IGF1: variants seen among roughly 807,000 people sequenced by gnomAD.
IGF1 encodes insulin-like growth factor 1.
IGF1 carries 4 observed loss-of-function variants against 13.8 expected under a neutral mutation model. That is an observed-to-expected ratio of 0.29 (90% CI 0.14 to 0.66). IGF1 has a LOEUF of 0.66. Ranked by LOEUF, IGF1 falls within the 30% of genes least tolerant of loss-of-function variation. IGF1 has a pLI of 0.78. For synonymous variants in IGF1, 76 were observed against 72.6 expected (o/e 1.05, Z -0.23); for missense variants, 124 against 188.5 (o/e 0.66, Z 2.00).
In IGF1 at chr12:102,400,809, T is replaced by C. The variant is rs1873622089; in HGVS notation, c.*1698A>G. ...CTAACAAAGAGTAATTAATTCCCCT[T>C]TCACTGGTAGAAATCTCTTTGTTTT... On this transcript the variant is annotated 3_prime_UTR_variant, in exon 4 of 4. Coordinates refer to ENST00000337514, the MANE Select transcript of IGF1 (RefSeq NM_000618.5). 6.6e-6 allele frequency: 1 copy of C among 152,208 alleles called. No homozygotes were observed. 9.4% of individuals were successfully genotyped at this position (152,208 alleles called of 1,614,324 possible).
intron 2 of IGF1, among the ~76,000 whole-genome samples, chr12:102,465,988 G>T (rs1026904839): frequency 1.4e-5 from 2 of 146,094 alleles, no homozygotes; most frequent in Non-Finnish European, 3.0e-5. Flanking sequence ...AATAAATAAA[G>T]ATAACCAACT....
At chr12:102,422,523 T>A (rs1404414917) in intron 2 of IGF1, among the ~76,000 whole-genome samples, 1 of 152,200 alleles carries the variant, frequency 6.6e-6, no homozygotes, top group Non-Finnish European at 1.5e-5. Context: ...AATTGAAAGA[T>A]CACAGTTGAG....
chr12:102,408,428 A>T (rs1307976901), intron 3 of IGF1, among the ~76,000 whole-genome samples: 1 of 152,184 alleles, frequency 6.6e-6, no homozygotes, highest in Non-Finnish European at 1.5e-5. Context: ...GCACTTTGGG[A>T]TGTGACTTCA....
chr12:102,465,282 T>C (rs1338442649), intron 2 of IGF1, among the ~76,000 whole-genome samples: 1 of 152,232 alleles, frequency 6.6e-6, no homozygotes, highest in Non-Finnish European at 1.5e-5. Flanking sequence ...TCCAATTCAG[T>C]TCATCAGTTG....
chr12:102,406,859 G>A (rs994243231), intron 3 of IGF1, among the ~76,000 whole-genome samples: 4 of 151,946 alleles, frequency 2.6e-5, no homozygotes, highest in African/African-American at 7.3e-5. Flanking sequence ...TTGGGAGGCC[G>A]AGGTGGGCAG....
rs58794507 is a variant in IGF1, at chr12:102,448,689, TAAAAAAAAAA to T, written c.220+26944_220+26953del. Among the ~76,000 whole-genome samples, 58 of 110,306 alleles carry T rather than the reference TAAAAAAAAAA, an allele frequency of 5.3e-4. No individual in the cohort carries two copies. The East Asian group carries it at 0.014, about 26-fold the overall frequency. 72.4% of individuals were successfully genotyped at this position (110,306 alleles called of 152,430 possible). On this transcript the variant is annotated intron_variant, in intron 2 of 3. Coordinates refer to ENST00000337514, the MANE Select transcript of IGF1 (RefSeq NM_000618.5). Reference sequence around the variant, plus strand: ...ATGTACCCTAAAACTTAGAGTATAATAAAAAAAAAAAAAAAAAAAAAAAAAAATCTCATCA... The same window carrying T: ...ATGTACCCTAAAACTTAGAGTATAATAAAAAAAAAAAAAAAAATCTCATCA...
rs1247655122 is a variant in IGF1 at position 102,401,092 on chromosome 12, A to T, written c.*1415T>A. On this transcript the variant is annotated 3_prime_UTR_variant, in exon 4 of 4. Transcript: ENST00000337514. ...ATGGGTTATTTATAGAATTCCTTGC[A>T]TCTCAGCAACTCAAGCGCCCTGATG... The T allele has an allele frequency of 6.6e-6, 1 of 152,212 alleles. No homozygotes were observed. Among genetic ancestry groups the T allele is most frequent in the African/African-American group, 2.4e-5 (1 of 41,458 alleles). The allele number at this position is 152,212 out of a possible 1,614,324, so 9.4% of individuals were successfully genotyped here. A position where few individuals can be genotyped will look rare whatever the true frequency, so the allele number is the denominator to read the frequency against.
chr12:102,455,770 G>T (rs1484758201), intron 2 of IGF1, among the ~76,000 whole-genome samples: 1 of 152,144 alleles, frequency 6.6e-6, no homozygotes. Context: ...GAGGCACCCT[G>T]CAATCTCTCC....
chr12:102,434,760 C>T (rs1250920966), intron 2 of IGF1, among the ~76,000 whole-genome samples: 1 of 151,570 alleles, frequency 6.6e-6, no homozygotes, highest in Admixed American at 6.6e-5. Flanking sequence ...TACAGTCCCA[C>T]CAACAGTGTA....
rs995111126 is a variant in IGF1 at position 102,401,841 on chromosome 12, G to C, written c.*666C>G. 1 of 152,504 alleles carries C rather than the reference G, an allele frequency of 6.6e-6. No homozygotes were observed. Among genetic ancestry groups the C allele is most frequent in the Non-Finnish European group, 1.5e-5 (1 of 68,006 alleles). 9.4% of individuals were successfully genotyped at this position (152,504 alleles called of 1,614,324 possible). The stretch of plus-strand genomic sequence containing the variant: ...GCAACTATTTGCATTATTCTTTTTT[G>C]TAAGCATGATGTGGAAAAATAAAGC... On this transcript the variant is annotated 3_prime_UTR_variant, in exon 4 of 4. Coordinates refer to ENST00000337514, the MANE Select transcript of IGF1 (RefSeq NM_000618.5).
chr12:102,478,838 T>G (rs1407235247), intron 1 of IGF1, among the ~76,000 whole-genome samples: 2 of 152,172 alleles, frequency 1.3e-5, no homozygotes, highest in African/African-American at 4.8e-5. Context: ...CTCACTCACT[T>G]GGAAATACCT....
chr12:102,424,268 A>G (rs1227203517), intron 2 of IGF1, among the ~76,000 whole-genome samples: 1 of 151,842 alleles, frequency 6.6e-6, no homozygotes, highest in Non-Finnish European at 1.5e-5. Context: ...AGGAGGAAAA[A>G]AGAGGTAAGA....
intron 2 of IGF1, among the ~76,000 whole-genome samples, chr12:102,458,888 G>T (rs918588868): frequency 2.0e-5 from 3 of 152,106 alleles, no homozygotes; most frequent in African/African-American, 7.2e-5. Context: ...AAAATAGGTG[G>T]TAATAAGTCA....
rs1461373682 is a variant in IGF1 at position 102,397,143 on chromosome 12, A to C, written c.*5364T>G. 1 of 272,074 alleles carries C rather than the reference A, an allele frequency of 3.7e-6. No individual in the cohort carries two copies. The allele number at this position is 272,074 out of a possible 1,614,324, so 16.9% of individuals were successfully genotyped here. A position where few individuals can be genotyped will look rare whatever the true frequency, so the allele number is the denominator to read the frequency against. On this transcript the variant is annotated 3_prime_UTR_variant, in exon 4 of 4. Coordinates refer to ENST00000337514, the MANE Select transcript of IGF1 (RefSeq NM_000618.5). ...CTTAAACCCAGGAGGTGGAGGTTGCAGTGAGCCGAGATCATGCCACTGCAC... is the reference window on the plus strand; with the variant it reads ...CTTAAACCCAGGAGGTGGAGGTTGCCGTGAGCCGAGATCATGCCACTGCAC...
At chr12:102,453,227 G>T (rs1050801971) in intron 2 of IGF1, among the ~76,000 whole-genome samples, 2 of 152,170 alleles carry the variant, frequency 1.3e-5, no homozygotes, top group African/African-American at 4.8e-5. Context: ...GCCTAGGAGG[G>T]TCTACATTGT....
intron 2 of IGF1, among the ~76,000 whole-genome samples, chr12:102,449,330 G>A (rs1878695859): frequency 6.6e-6 from 1 of 151,130 alleles, no homozygotes; most frequent in Non-Finnish European, 1.5e-5. Flanking sequence ...TCACTCATAA[G>A]TGTGAGTTGA....
At chr12:102,430,812 C>T (rs1876674467) in intron 2 of IGF1, among the ~76,000 whole-genome samples, 2 of 152,324 alleles carry the variant, frequency 1.3e-5, no homozygotes, top group South Asian at 4.2e-4. Flanking sequence ...AGCCAGTGCT[C>T]CCACGGTCCA....
At position 102,480,425 on chromosome 12, in the gene IGF1, A is replaced by G; in HGVS notation, c.-44T>C. On this transcript the variant is annotated 5_prime_UTR_variant, in exon 1 of 4. Transcript: ENST00000337514. ...TCTGAAAATGAATTGGTTAGCAGGA[A>G]TAATGAAGCAAAAAGAAATCCAGAG... 1 of 1,612,534 alleles carries G rather than the reference A, an allele frequency of 6.2e-7. No individual in the cohort carries two copies. Among genetic ancestry groups the G allele is most frequent in the Non-Finnish European group, 8.5e-7 (1 of 1,179,378 alleles).
At chr12:102,437,219 G>A (rs554406954) in intron 2 of IGF1, among the ~76,000 whole-genome samples, 1 of 152,296 alleles carries the variant, frequency 6.6e-6, no homozygotes, top group Non-Finnish European at 1.5e-5. Flanking sequence ...GGTCTCCCTG[G>A]CCTCCCTAGC....
Sources: gnomAD v4.1 joint callset for allele counts (sites outside exome capture counted in the v4.1 genomes callset) on GRCh38, gnomAD v4.1.1 for gene constraint, MANE v1.5 for transcripts, NCBI Gene and HGNC (gene_info 2026-07-23, HGNC 2026-07-21) for gene names.